The following SARM1 variants were observed in gnomAD, a reference collection of about 807,000 sequenced individuals.
The protein encoded by SARM1 is sterile alpha and TIR motif containing 1.
A neutral mutation model predicts 65.1 loss-of-function variants in SARM1; 60 were observed. That is an observed-to-expected ratio of 0.92 (90% confidence interval 0.75 to 1.14). The LOEUF (loss-of-function observed/expected upper bound fraction) is 1.14, where lower values mean the gene tolerates loss of function less well. Among genes scored for constraint, SARM1 ranks in the 50% most tolerant of loss-of-function variants. The pLI, the probability that SARM1 is intolerant of heterozygous loss-of-function variation, is 0.00. For synonymous variants in SARM1, 417 were observed against 465.4 expected, an observed-to-expected ratio of 0.90 and a Z score of 1.34; for missense variants, 913 against 1,015.7, an observed-to-expected ratio of 0.90 and a Z score of 1.37.
At chr17:28,373,430 TCA>T (rs1360092890) in intron 1 of SARM1, 1 of 152,216 alleles carries the variant, frequency 6.6e-6, no homozygotes, top group Non-Finnish European at 1.5e-5. Context: ...CATGCAGCTC[TCA>T]CAAGTGTGAA....
chr17:28,391,707 C>CA (rs1206857097), intron 7 of SARM1, among the ~76,000 whole-genome samples: 5,235 of 56,706 alleles, frequency 0.092, 369 homozygotes, highest in Non-Finnish European at 0.14. Flanking sequence ...GCAATTGCAC[C>CA]AAAAAAAAAA....
Position 28,385,048 on chromosome 17 carries a change from G to A in SARM1, c.1403G>A (p.Arg468Lys). The A allele has an allele frequency of 1.2e-6, 2 of 1,613,272 alleles. No individual in the cohort carries two copies. The highest frequency in any genetic ancestry group is 1.7e-6 in the Non-Finnish European group (2 of 1,179,400). ...KSGITRKRFF[R>K]ELTELKTFAN... The stretch of plus-strand genomic sequence containing the variant: ...TCCTCCGTGGGGTGCAGGTTCTTTA[G>A]GGAGCTCACGGAGCTCAAGACCTTC... Residue 468 changes from arginine to lysine, a missense_variant, in exon 5 of 9, where the codon AGG becomes AAG. Arg to Lys is a conservative substitution (Grantham distance 26). This residue lies in a region of SARM1 where 862 missense variants were observed against 952.1 expected (regional missense o/e 0.91). Coordinates refer to ENST00000585482, the MANE Select transcript of SARM1 (RefSeq NM_015077.4). This position sits in a 1 kb window ranked among gnomAD's most constrained non-coding sequence, Gnocchi z 4.5.
intron 1 of SARM1, among the ~76,000 whole-genome samples, chr17:28,376,424 AG>A (rs1188703098): frequency 6.7e-6 from 1 of 149,766 alleles, no homozygotes; most frequent in Non-Finnish European, 1.5e-5. Context: ...AAAAAAAAAA[AG>A]AGCCAGGTGT....
At chr17:28,390,095 C>T (rs564243009) in intron 7 of SARM1, among the ~76,000 whole-genome samples, 32 of 152,212 alleles carry the variant, frequency 2.1e-4, no homozygotes, top group African/African-American at 3.1e-4. Context: ...TTGGGAGACA[C>T]GAGACATCAA....
chr17:28,375,315 C>T (rs975327478), intron 1 of SARM1, among the ~76,000 whole-genome samples: 21 of 151,978 alleles, frequency 1.4e-4, no homozygotes, highest in African/African-American at 5.1e-4. Flanking sequence ...CACAGAAAGG[C>T]GGCCAGGAGC....
At position 28,402,316 on chromosome 17, in the gene SARM1, C is replaced by T. The variant is rs782721611; in HGVS notation, c.*6030C>T. ...ATGACTAATGACAGGAAAAGCAACC[C>T]ATATCCTGTGGAGAAACAAACACTC... On this transcript the variant is annotated 3_prime_UTR_variant, in exon 9 of 9. Transcript: ENST00000585482. 1 of 1,613,032 alleles carries T rather than the reference C, an allele frequency of 6.2e-7. No homozygotes were observed. The highest frequency in any genetic ancestry group is 1.3e-5 in the African/African-American group (1 of 75,042).
rs1597828405 is a variant in SARM1, at chr17:28,398,031, C to A, written c.*1745C>A. On this transcript the variant is annotated 3_prime_UTR_variant, in exon 9 of 9. Transcript: ENST00000585482. ...CTCGATGCTTTGGTTTTGACCCCAC[C>A]TGATCCTCCTTTCCTCATGCAGCAC... 1 of 152,626 alleles carries A rather than the reference C, an allele frequency of 6.6e-6. No individual in the cohort carries two copies. The allele number at this position is 152,626 out of a possible 1,614,324, so 9.5% of individuals were successfully genotyped here.
Position 28,388,235 on chromosome 17 carries a change from C to G in SARM1, c.1692C>G (p.Val564=), listed in dbSNP as rs782172400. The stretch of plus-strand genomic sequence containing the variant: ...AACCCAGTGGGGACACTCCAGATGT[C>G]TTCATCAGCTACCGCCGGAACTCAG... ...GGKPSGDTPD[V]FISYRRNSGS... Residue 564 remains valine, a synonymous_variant, in exon 6 of 9, where the codon GTC becomes GTG. Coordinates refer to ENST00000585482, the MANE Select transcript of SARM1 (RefSeq NM_015077.4). 10 of 1,551,528 alleles carry G rather than the reference C, an allele frequency of 6.4e-6. No homozygotes were observed. In the South Asian group the frequency reaches 1.2e-4, roughly 18 times the overall value.
In SARM1 at chr17:28,403,189, C is replaced by G. The variant is rs2068217820; in HGVS notation, c.*6903C>G. The G allele has an allele frequency of 6.6e-6, 1 of 152,230 alleles. No homozygotes were observed. The highest frequency in any genetic ancestry group is 1.5e-5 in the Non-Finnish European group (1 of 68,094). The allele number at this position is 152,230 out of a possible 1,614,324, so 9.4% of individuals were successfully genotyped here. On this transcript the variant is annotated 3_prime_UTR_variant, in exon 9 of 9. Transcript: ENST00000585482. The stretch of plus-strand genomic sequence containing the variant: ...GGTACTGACTTTGGACTTCTGGCCT[C>G]CAGAACTGTGAGAGAATATGTTTCT...
Position 28,385,420 on chromosome 17 carries a change from T to A in SARM1, c.1630+145T>A. 1.6e-6 allele frequency: 1 copy of A among 643,354 alleles called. No homozygotes were observed. The highest frequency in any genetic ancestry group is 2.6e-6 in the Non-Finnish European group (1 of 379,860). The allele number at this position is 643,354 out of a possible 1,614,324, so 39.9% of individuals were successfully genotyped here. A position where few individuals can be genotyped will look rare whatever the true frequency, so the allele number is the denominator to read the frequency against. On this transcript the variant is annotated intron_variant, in intron 5 of 8. Coordinates refer to ENST00000585482, the MANE Select transcript of SARM1 (RefSeq NM_015077.4). This position sits in a 1 kb window ranked among gnomAD's most constrained non-coding sequence, Gnocchi z 4.5. ...TGGGTCACACTGGGCTCTGAGGATG[T>A]AAAGATGAATACGTTGCACTTTACC...
chr17:28,396,040 C>T lies in SARM1; in HGVS notation c.2045+14C>T, dbSNP rs2068117989. On this transcript the variant is annotated intron_variant, in intron 8 of 8. Transcript: ENST00000585482. ...CAACGGTATCAAGTGAGCCCCAGGG[C>T]CCTGGGACCAGGGGGGTAGGGTACA... 6.2e-7 allele frequency: 1 copy of T among 1,613,804 alleles called. No individual in the cohort carries two copies. The highest frequency in any genetic ancestry group is 8.5e-7 in the Non-Finnish European group (1 of 1,179,818).
intron 5 of SARM1, among the ~76,000 whole-genome samples, chr17:28,387,726 C>G (rs2068059383): frequency 6.6e-6 from 1 of 152,242 alleles, no homozygotes. Flanking sequence ...ATCTCAAGCA[C>G]TGAAGACAGT....
chr17:28,401,467 C>G lies in SARM1; in HGVS notation c.*5181C>G, dbSNP rs2068196699. The G allele has an allele frequency of 6.5e-6, 1 of 153,206 alleles. No homozygotes were observed. The highest frequency in any genetic ancestry group is 1.5e-5 in the Non-Finnish European group (1 of 68,746). 9.5% of individuals were successfully genotyped at this position (153,206 alleles called of 1,614,324 possible). ...CTCTGTATGGCACCAGAGTCTCTGT[C>G]ATCATCAGATCCTCATTCCAGGACA... On this transcript the variant is annotated 3_prime_UTR_variant, in exon 9 of 9. Transcript: ENST00000585482.
In SARM1 at chr17:28,372,699, T is replaced by A. The variant is rs540955144; in HGVS notation, c.470+197T>A. Among the ~76,000 whole-genome samples the A allele has an allele frequency of 2.6e-5, 4 of 152,342 alleles. No individual in the cohort carries two copies. Among genetic ancestry groups the A allele is most frequent in the African/African-American group, 9.6e-5 (4 of 41,582 alleles). ...TGGGAAAGTTTAGTGACTTGCTCAG[T>A]GGATCACAGTGAACTAAGATTTGCT... On this transcript the variant is annotated intron_variant, in intron 1 of 8. Coordinates refer to ENST00000585482, the MANE Select transcript of SARM1 (RefSeq NM_015077.4). This position sits in a 1 kb window ranked among gnomAD's most constrained non-coding sequence, Gnocchi z 5.2.
rs1344370780 is a variant in SARM1 at position 28,388,539 on chromosome 17, G to A, written c.1923G>A (p.Lys641=). The A allele has an allele frequency of 6.2e-7, 1 of 1,612,502 alleles. No homozygotes were observed. Among genetic ancestry groups the A allele is most frequent in the East Asian group, 2.2e-5 (1 of 44,866 alleles). The stretch of plus-strand genomic sequence containing the variant: ...ATGACTGCAAGGATTGGGTGCATAA[G>A]GTAGGTGCCTGCCTATGCTTCTGCG... ...QDHDCKDWVH[K]EIVTALSCGK... The change falls in exon 7 of 9, where the codon AAG becomes AAA. Residue 641 remains lysine (K), a splice_region_variant and synonymous_variant. Coordinates refer to ENST00000585482, the MANE Select transcript of SARM1 (RefSeq NM_015077.4).
In SARM1 at chr17:28,384,282, G is replaced by A. The variant is rs2068038391; in HGVS notation, c.1090-75G>A. 8.0e-7 allele frequency: 1 copy of A among 1,247,970 alleles called. No homozygotes were observed. The highest frequency in any genetic ancestry group is 1.1e-6 in the Non-Finnish European group (1 of 896,074). The allele number at this position is 1,247,970 out of a possible 1,614,324, so 77.3% of individuals were successfully genotyped here. On this transcript the variant is annotated intron_variant, in intron 2 of 8. Transcript: ENST00000585482. The surrounding 1 kb of genome is among the most constrained non-coding windows in gnomAD (Gnocchi z 4.4). ...ACTTTGGGTTGTGAGAAGAGACAAG[G>A]AGAGGGACTGGGCACGTGTGGGAGC...
chr17:28,391,176 G>T (rs1214255014), intron 7 of SARM1, among the ~76,000 whole-genome samples: 1 of 152,180 alleles, frequency 6.6e-6, no homozygotes, highest in East Asian at 1.9e-4. Flanking sequence ...CATGGTGGGA[G>T]TATTTACACC....
At chr17:28,389,742 G>C (rs1449317787) in intron 7 of SARM1, among the ~76,000 whole-genome samples, 1 of 152,178 alleles carries the variant, frequency 6.6e-6, no homozygotes, top group South Asian at 2.1e-4. Context: ...ACAAAAATTA[G>C]CCAGGCATGG....
rs1430340789 is a variant in SARM1, at chr17:28,403,012, A to G, written c.*6726A>G. The G allele has an allele frequency of 1.3e-5, 2 of 152,210 alleles. No individual in the cohort carries two copies. The highest frequency in any genetic ancestry group is 2.1e-4 in the South Asian group (1 of 4,834). The allele number at this position is 152,210 out of a possible 1,614,324, so 9.4% of individuals were successfully genotyped here. A position where few individuals can be genotyped will look rare whatever the true frequency, so the allele number is the denominator to read the frequency against. ...ATTGAGAAGGCACAAAGAGGAGGAG[A>G]GTCAATGTGAGCACAGAGGCAGAGA... On this transcript the variant is annotated 3_prime_UTR_variant, in exon 9 of 9. Coordinates refer to ENST00000585482, the MANE Select transcript of SARM1 (RefSeq NM_015077.4).
Sources: gnomAD v4.1 joint callset for allele counts (sites outside exome capture counted in the v4.1 genomes callset) on GRCh38, gnomAD v4.1.1 for gene constraint, gnomAD v4.1.1 regional missense constraint, Gnocchi (gnomAD v3.1) non-coding constraint, MANE v1.5 for transcripts, NCBI Gene and HGNC (gene_info 2026-07-23, HGNC 2026-07-21) for gene names.